The following CRPPA variants were observed in gnomAD, a reference collection of about 807,000 sequenced individuals.
The protein encoded by CRPPA is D-ribitol-5-phosphate cytidylyltransferase.
Under a neutral mutation model 52.0 loss-of-function variants are expected in CRPPA, and 43 were observed. The observed-to-expected ratio is 0.83, with a 90% CI of 0.65 to 1.07. CRPPA has a LOEUF of 1.07. CRPPA is among the 50% of genes least tolerant of loss of function. The probability of loss-of-function intolerance (pLI) is 0.00; values close to 1 mark genes in which losing one functional copy is unlikely to be tolerated. For synonymous variants in CRPPA, 250 were observed against 203.5 expected, an observed-to-expected ratio of 1.23 and a Z score of -1.94; for missense variants, 629 against 551.7, an observed-to-expected ratio of 1.14 and a Z score of -1.40.
chr7:16,115,290 T>C (rs767423294), intron 9 of CRPPA, among the ~76,000 whole-genome samples: 51 of 152,180 alleles, frequency 3.4e-4, no homozygotes, highest in Non-Finnish European at 1.2e-4. Context: ...TCTGAAAGTA[T>C]ACTATGTGTA....
chr7:16,167,530 G>C (rs1353478166), intron 9 of CRPPA, among the ~76,000 whole-genome samples: 7 of 152,118 alleles, frequency 4.6e-5, no homozygotes, highest in African/African-American at 1.7e-4. Flanking sequence ...CAAATTGCCA[G>C]GTCCATTTCT....
At position 16,174,839 on chromosome 7, in the gene CRPPA, T is replaced by G. The variant is rs188930719; in HGVS notation, c.1251+41227A>C. ...AGCTTCAAAGGAACCCTTACATTAT[T>G]CAGCAAAGAGCTCAATTTAAGATCA... On this transcript the variant is annotated intron_variant, in intron 9 of 9. Transcript: ENST00000407010. Among the ~76,000 whole-genome samples, 280 of 152,304 alleles carry G rather than the reference T, an allele frequency of 1.8e-3. 2 individuals carry two copies. In the East Asian group the frequency reaches 0.026, roughly 14 times the overall value.
chr7:16,141,407 C>T (rs961353375), intron 9 of CRPPA, among the ~76,000 whole-genome samples: 1 of 151,902 alleles, frequency 6.6e-6, no homozygotes, highest in African/African-American at 2.4e-5. Context: ...GTAATTTATG[C>T]AAATAAACTA....
intron 9 of CRPPA, among the ~76,000 whole-genome samples, chr7:16,158,534 C>T (rs1279137378): frequency 6.6e-6 from 1 of 152,120 alleles, no homozygotes; most frequent in Non-Finnish European, 1.5e-5. Flanking sequence ...CACAATTTTA[C>T]ACTAGTATTC....
intron 4 of CRPPA, among the ~76,000 whole-genome samples, chr7:16,305,255 A>G (rs1342680092): frequency 1.3e-5 from 2 of 152,194 alleles, no homozygotes; most frequent in Non-Finnish European, 1.5e-5. Context: ...AACAACAGCA[A>G]TATTTGCATT....
intron 5 of CRPPA, among the ~76,000 whole-genome samples, chr7:16,291,085 C>T (rs1784554692): frequency 6.6e-6 from 1 of 151,924 alleles, no homozygotes; most frequent in Non-Finnish European, 1.5e-5. Context: ...GAGTTATCAA[C>T]TCACCCCAGT....
In CRPPA at chr7:16,184,239, C is replaced by G. The variant is rs151257568; in HGVS notation, c.1251+31827G>C. The stretch of plus-strand genomic sequence containing the variant: ...TACAGGCATGAGCCACCACGCCCGG[C>G]CTGGTATTTCTTCATAGCAGTATGA... On this transcript the variant is annotated intron_variant, in intron 9 of 9. Transcript: ENST00000407010. Among the ~76,000 whole-genome samples, 181 of 152,238 alleles carry G rather than the reference C, an allele frequency of 1.2e-3. 7 individuals carry two copies. The South Asian group carries it at 0.03, about 25-fold the overall frequency.
chr7:16,345,614 C>T (rs1277789633), intron 3 of CRPPA, among the ~76,000 whole-genome samples: 1 of 152,040 alleles, frequency 6.6e-6, no homozygotes, highest in East Asian at 1.9e-4. Context: ...ATTGCTGAAT[C>T]TTATATTGTT....
At chr7:16,293,819 T>G (rs1372723835) in intron 5 of CRPPA, among the ~76,000 whole-genome samples, 4 of 151,984 alleles carry the variant, frequency 2.6e-5, no homozygotes, top group Non-Finnish European at 5.9e-5. Context: ...TCACTGAATA[T>G]AGGATGAAGT....
At chr7:16,403,771 A>T (rs543413829) in intron 2 of CRPPA, among the ~76,000 whole-genome samples, 89 of 152,316 alleles carry the variant, frequency 5.8e-4, no homozygotes, top group African/African-American at 2.1e-3. Flanking sequence ...TCTAAAACAA[A>T]CCAAAAAGGT....
chr7:16,206,775 C>A (rs1353049038), intron 9 of CRPPA, among the ~76,000 whole-genome samples: 1 of 152,020 alleles, frequency 6.6e-6, no homozygotes, highest in Non-Finnish European at 1.5e-5. Flanking sequence ...CTGTGTGAAA[C>A]ATCTGTGTTT....
chr7:16,312,642 G>A (rs1785058562), intron 3 of CRPPA, among the ~76,000 whole-genome samples: 2 of 151,858 alleles, frequency 1.3e-5, no homozygotes, highest in Admixed American at 1.3e-4. Flanking sequence ...GAGCACTGAG[G>A]AGGCACATCC....
chr7:16,225,827 T>G (rs1285184854), intron 8 of CRPPA, among the ~76,000 whole-genome samples: 2 of 151,954 alleles, frequency 1.3e-5, no homozygotes, highest in South Asian at 2.1e-4. Context: ...TCATGCTACT[T>G]CTCATCTATA....
chr7:16,403,449 C>T (rs1280947128), intron 2 of CRPPA, among the ~76,000 whole-genome samples: 2 of 152,240 alleles, frequency 1.3e-5, no homozygotes, highest in Non-Finnish European at 2.9e-5. Flanking sequence ...TGTTAGCATA[C>T]ATAACCCACC....
At chr7:16,394,806 G>A (rs115401509) in intron 2 of CRPPA, among the ~76,000 whole-genome samples, 2 of 152,018 alleles carry the variant, frequency 1.3e-5, no homozygotes, top group Non-Finnish European at 2.9e-5. Context: ...AAAAGCTTCA[G>A]GCATCTTAAA....
intron 3 of CRPPA, among the ~76,000 whole-genome samples, chr7:16,325,689 T>C (rs1009078877): frequency 2.0e-5 from 3 of 152,180 alleles, no homozygotes; most frequent in African/African-American, 7.2e-5. Flanking sequence ...CATTTAGATA[T>C]TCCATTCACA....
chr7:16,402,586 G>A (rs901035997), intron 2 of CRPPA, among the ~76,000 whole-genome samples: 1 of 151,970 alleles, frequency 6.6e-6, no homozygotes, highest in Non-Finnish European at 1.5e-5. Context: ...AAAGGCAATA[G>A]AAGATAAAAA....
At chr7:16,268,018 G>C (rs530045808) in intron 6 of CRPPA, among the ~76,000 whole-genome samples, 1 of 152,134 alleles carries the variant, frequency 6.6e-6, no homozygotes, top group Admixed American at 6.5e-5. Context: ...GGTATTTGTA[G>C]AGCAGAAAGG....
Position 16,091,483 on chromosome 7 carries a change from C to T in CRPPA, c.*212G>A. 1 of 410,716 alleles carries T rather than the reference C, an allele frequency of 2.4e-6. No homozygotes were observed. Among genetic ancestry groups the T allele is most frequent in the Non-Finnish European group, 4.2e-6 (1 of 235,316 alleles). The allele number at this position is 410,716 out of a possible 1,614,324, so 25.4% of individuals were successfully genotyped here. A position where few individuals can be genotyped will look rare whatever the true frequency, so the allele number is the denominator to read the frequency against. On this transcript the variant is annotated 3_prime_UTR_variant, in exon 10 of 10. Transcript: ENST00000407010. ...ACTTATCTACTATTTTTTTCTGGTT[C>T]AGGCAATTAATATTTGTCATACACA...
Sources: gnomAD v4.1 joint callset for allele counts (sites outside exome capture counted in the v4.1 genomes callset) on GRCh38, gnomAD v4.1.1 for gene constraint, MANE v1.5 for transcripts, NCBI Gene and HGNC (gene_info 2026-07-23, HGNC 2026-07-21) for gene names.